The following CTNNA3 variants were observed in gnomAD, a reference collection of about 807,000 sequenced individuals.
CTNNA3 encodes the protein catenin alpha-3.
CTNNA3 carries 76 observed loss-of-function variants against 95.7 expected under a neutral mutation model. The observed-to-expected ratio is 0.79, with a 90% CI of 0.66 to 0.96. The LOEUF is 0.96. CTNNA3 is among the 40% of genes least tolerant of loss of function. CTNNA3 has a pLI of 0.00. For missense variants in CTNNA3, 1,191 were observed against 1,089.8 expected, an observed-to-expected ratio of 1.09 and a Z score of -1.31; for synonymous variants, 431 against 374.4, an observed-to-expected ratio of 1.15 and a Z score of -1.74.
intron 5 of CTNNA3, among the ~76,000 whole-genome samples, chr10:67,304,917 G>A (rs191032495): frequency 6.6e-6 from 1 of 152,084 alleles, no homozygotes; most frequent in Non-Finnish European, 1.5e-5. Context: ...AAGGAGTGAG[G>A]ATAAGGGAAG....
At chr10:66,121,756 G>A (rs1054418060) in intron 13 of CTNNA3, among the ~76,000 whole-genome samples, 10 of 152,146 alleles carry the variant, frequency 6.6e-5, no homozygotes, top group East Asian at 1.9e-4. Context: ...TGGATAGATC[G>A]CTTGAGCCCT....
chr10:66,859,315 A>G lies in CTNNA3; in HGVS notation c.1048-83791T>C, dbSNP rs544252668. Among the ~76,000 whole-genome samples the G allele has an allele frequency of 3.3e-4, 50 of 152,124 alleles. No homozygotes were observed. In the South Asian group the frequency reaches 0.01, roughly 31 times the overall value. On this transcript the variant is annotated intron_variant, in intron 7 of 17. Coordinates refer to ENST00000433211, the MANE Select transcript of CTNNA3 (RefSeq NM_013266.4). ...ATCTACAATGAACTCAAACAAATTT[A>G]CAAGAAAAAAACAAACAACCCCATC... is the stretch of plus-strand genomic sequence containing the variant.
chr10:66,192,487 C>A (rs10996966), intron 13 of CTNNA3, among the ~76,000 whole-genome samples: 26,608 of 152,090 alleles, frequency 0.17, 2,770 homozygotes, highest in South Asian at 0.39. Flanking sequence ...GTGAACTCCA[C>A]AAGTTCATAA....
chr10:67,451,903 T>C (rs1030501632), intron 5 of CTNNA3, among the ~76,000 whole-genome samples: 7 of 152,190 alleles, frequency 4.6e-5, no homozygotes, highest in Non-Finnish European at 7.3e-5. Context: ...TTTTCTTTTA[T>C]ATACACTATC....
intron 11 of CTNNA3, among the ~76,000 whole-genome samples, chr10:66,487,580 AATT>A (rs1379281618): frequency 6.6e-6 from 1 of 152,116 alleles, no homozygotes. Flanking sequence ...CCCAAATGCT[AATT>A]ACAGGTGGTA....
At chr10:67,201,976 A>T (rs1034901547) in intron 6 of CTNNA3, among the ~76,000 whole-genome samples, 2 of 152,240 alleles carry the variant, frequency 1.3e-5, no homozygotes, top group African/African-American at 4.8e-5. Flanking sequence ...CAAAGAAAAC[A>T]TAAGACATTT....
Position 66,529,010 on chromosome 10 carries a change from T to A in CTNNA3, c.1375-8237A>T, listed in dbSNP as rs559359236. On this transcript the variant is annotated intron_variant, in intron 10 of 17. Transcript: ENST00000433211. ...TTTGATATTTGACAGCATTTTAAAA[T>A]TAGTATCTAGTTGGTTTTTGTTTTC... Among the ~76,000 whole-genome samples the A allele has an allele frequency of 5.3e-5, 8 of 152,278 alleles. No individual in the cohort carries two copies. The South Asian group carries it at 1.7e-3, about 32-fold the overall frequency.
chr10:67,588,210 T>C (rs998621061), intron 3 of CTNNA3, among the ~76,000 whole-genome samples: 11 of 145,264 alleles, frequency 7.6e-5, no homozygotes, highest in Non-Finnish European at 1.5e-4. Context: ...ATAATTTCTT[T>C]TTTGTTAAGA....
At chr10:67,142,479 G>A (rs184169045) in intron 7 of CTNNA3, among the ~76,000 whole-genome samples, 14 of 152,170 alleles carry the variant, frequency 9.2e-5, no homozygotes, top group East Asian at 5.8e-4. Context: ...TGCAGGTTTC[G>A]TATCAGACCA....
chr10:67,403,467 AC>A (rs1319016603), intron 5 of CTNNA3: 4 of 152,308 alleles, frequency 2.6e-5, no homozygotes, highest in African/African-American at 9.7e-5. Flanking sequence ...TTTAAATAGA[AC>A]CCCAATCCAT....
chr10:66,247,551 C>G (rs2090385415), intron 13 of CTNNA3, among the ~76,000 whole-genome samples: 1 of 152,070 alleles, frequency 6.6e-6, no homozygotes, highest in African/African-American at 2.4e-5. Flanking sequence ...ATTTAATAAT[C>G]AAACTCCCAA....
Position 66,472,497 on chromosome 10 carries a change from T to G in CTNNA3, c.1531+48120A>C, listed in dbSNP as rs143317593. Among the ~76,000 whole-genome samples the G allele has an allele frequency of 3.6e-3, 551 of 152,110 alleles. 2 individuals carry two copies. The highest frequency in any genetic ancestry group is 0.013 in the African/African-American group (535 of 41,526). On this transcript the variant is annotated intron_variant, in intron 11 of 17. Coordinates refer to ENST00000433211, the MANE Select transcript of CTNNA3 (RefSeq NM_013266.4). ...TGTGGCTGGTTTTCTCATTTTATTT[T>G]AGAGATTTTTTATTGAGTAGCACTT...
chr10:67,567,035 G>T (rs968211792), intron 3 of CTNNA3, among the ~76,000 whole-genome samples: 1 of 103,356 alleles, frequency 9.7e-6, no homozygotes, highest in African/African-American at 3.7e-5. Flanking sequence ...GTGGGGGGAG[G>T]GGGGAGGGAT....
chr10:66,925,892 T>C, intron 7 of CTNNA3: 1 of 399,668 alleles, frequency 2.5e-6, no homozygotes, highest in Non-Finnish European at 5.1e-6. Context: ...CAGTTCCTAC[T>C]GAGCCACCCA....
chr10:66,443,600 T>G (rs1015874245), intron 11 of CTNNA3, among the ~76,000 whole-genome samples: 1 of 152,122 alleles, frequency 6.6e-6, no homozygotes, highest in Non-Finnish European at 1.5e-5. Context: ...CCAACAAACC[T>G]GCATCTGAGG....
At chr10:66,926,666 T>C (rs1564771362) in intron 7 of CTNNA3, 1 of 1,496,794 alleles carries the variant, frequency 6.7e-7, no homozygotes, top group Non-Finnish European at 9.3e-7. Flanking sequence ...AATTCTGCCT[T>C]AATTATTTTA....
rs190261974 is a variant in CTNNA3, at chr10:66,127,204, G to A, written c.1885-23955C>T. ...GGAGACTGGCGTGAACCCAGGAGGC[G>A]GAGCTTGCAGTGAGCTGAGATCGCG... On this transcript the variant is annotated intron_variant, in intron 13 of 17. Transcript: ENST00000433211. Among the ~76,000 whole-genome samples, 134 of 150,642 alleles carry A rather than the reference G, an allele frequency of 8.9e-4. 1 individual carries two copies. The highest frequency in any genetic ancestry group is 2.9e-3 in the African/African-American group (117 of 40,958).
intron 11 of CTNNA3, among the ~76,000 whole-genome samples, chr10:66,492,065 T>A (rs1839942632): frequency 6.6e-6 from 1 of 152,156 alleles, no homozygotes; most frequent in Non-Finnish European, 1.5e-5. Context: ...TGTTTTAGCC[T>A]CCTTTCCTCA....
chr10:67,223,080 C>A lies in CTNNA3; in HGVS notation c.580-3210G>T, dbSNP rs138039508. Among the ~76,000 whole-genome samples the A allele has an allele frequency of 3.2e-4, 48 of 152,112 alleles. No individual in the cohort carries two copies. In the East Asian group the frequency reaches 8.5e-3, roughly 27 times the overall value. Reference sequence around the variant, plus strand: ...CCAAATAGCAAGTCCTTGACGCCTGCGAAAAAGGACTAGATCAGTGAACAT... The same window carrying A: ...CCAAATAGCAAGTCCTTGACGCCTGAGAAAAAGGACTAGATCAGTGAACAT... On this transcript the variant is annotated intron_variant, in intron 5 of 17. Transcript: ENST00000433211.
Sources: allele counts gnomAD v4.1 joint callset (sites outside exome capture counted in the v4.1 genomes callset), GRCh38; gene constraint gnomAD v4.1.1; transcripts MANE v1.5; gene names NCBI Gene and HGNC (gene_info 2026-07-23, HGNC 2026-07-21).